The following STXBP5L variants were observed in gnomAD, a reference collection of about 807,000 sequenced individuals.
The protein encoded by STXBP5L is syntaxin-binding protein 5-like.
In STXBP5L, 65 loss-of-function variants were observed where a neutral mutation model predicts 144.5. That is an observed-to-expected ratio of 0.45 (90% CI 0.37 to 0.55). The LOEUF is 0.55. Ranked by LOEUF, STXBP5L falls within the 20% of genes least tolerant of loss-of-function variation. STXBP5L has a pLI of 0.00. For missense variants in STXBP5L, 1,298 were observed against 1,405.5 expected, an observed-to-expected ratio of 0.92 and a Z score of 1.22; for synonymous variants, 505 against 469.6, an observed-to-expected ratio of 1.08 and a Z score of -0.97.
At chr3:121,045,206 C>T (rs1266291152) in intron 4 of STXBP5L, among the ~76,000 whole-genome samples, 2 of 152,044 alleles carry the variant, frequency 1.3e-5, no homozygotes, top group Admixed American at 6.6e-5. Flanking sequence ...ATAAATATTC[C>T]TTAAGCTAGT....
At chr3:121,243,726 T>C (rs557246646) in intron 14 of STXBP5L, among the ~76,000 whole-genome samples, 2 of 152,172 alleles carry the variant, frequency 1.3e-5, no homozygotes, top group Non-Finnish European at 2.9e-5. Context: ...GACATCATTC[T>C]ATTTATAGCA....
At chr3:121,344,776 C>G (rs1301143442) in intron 20 of STXBP5L, among the ~76,000 whole-genome samples, 1 of 151,722 alleles carries the variant, frequency 6.6e-6, no homozygotes, top group East Asian at 1.9e-4. Context: ...AGGAATTATA[C>G]TAATTTCACC....
intron 19 of STXBP5L, among the ~76,000 whole-genome samples, chr3:121,317,035 C>A (rs1334247061): frequency 1.3e-5 from 2 of 152,140 alleles, no homozygotes; most frequent in Non-Finnish European, 2.9e-5. Context: ...TTTAGTCAAA[C>A]TTTTTCCTAA....
At chr3:121,038,988 T>A (rs555177189) in intron 3 of STXBP5L, among the ~76,000 whole-genome samples, 1 of 152,076 alleles carries the variant, frequency 6.6e-6, no homozygotes, top group Admixed American at 6.6e-5. Flanking sequence ...ATTAACCTAT[T>A]TGTATATATT....
chr3:121,275,146 T>C (rs1286164053), intron 18 of STXBP5L, among the ~76,000 whole-genome samples: 1 of 152,206 alleles, frequency 6.6e-6, no homozygotes, highest in Non-Finnish European at 1.5e-5. Context: ...TTGATTCCTG[T>C]ACTTTTAATT....
chr3:121,212,062 T>A (rs2108258826), intron 10 of STXBP5L, among the ~76,000 whole-genome samples: 1 of 152,292 alleles, frequency 6.6e-6, no homozygotes, highest in Non-Finnish European at 1.5e-5. Context: ...GATGAGGTTG[T>A]TTGTTGTTTT....
intron 9 of STXBP5L, among the ~76,000 whole-genome samples, chr3:121,173,134 A>G (rs2046793403): frequency 6.6e-6 from 1 of 152,188 alleles, no homozygotes; most frequent in African/African-American, 2.4e-5. Flanking sequence ...CTGTGAGAAC[A>G]CATGGAAACA....
At chr3:121,371,528 A>G (rs144898032) in intron 20 of STXBP5L, among the ~76,000 whole-genome samples, 1 of 152,372 alleles carries the variant, frequency 6.6e-6, no homozygotes, top group African/African-American at 2.4e-5. Context: ...GCAGCAGTGT[A>G]GACTCTCATT....
intron 20 of STXBP5L, among the ~76,000 whole-genome samples, chr3:121,320,240 T>G (rs1052388487): frequency 2.6e-5 from 4 of 152,206 alleles, no homozygotes; most frequent in African/African-American, 9.7e-5. Flanking sequence ...TCATTAAATT[T>G]ATTCCTTTGT....
intron 20 of STXBP5L, among the ~76,000 whole-genome samples, chr3:121,366,795 G>A (rs1335996249): frequency 1.3e-5 from 2 of 151,118 alleles, no homozygotes; most frequent in South Asian, 2.1e-4. Context: ...TCTTCTATAG[G>A]CCTTATAGCT....
At chr3:121,358,043 A>G (rs553744302) in intron 20 of STXBP5L, 1 of 152,288 alleles carries the variant, frequency 6.6e-6, no homozygotes, top group Admixed American at 6.5e-5. Context: ...TTTTGATTAC[A>G]TGCAATGTGA....
intron 19 of STXBP5L, among the ~76,000 whole-genome samples, chr3:121,305,757 C>A (rs765505564): frequency 6.6e-6 from 1 of 151,940 alleles, no homozygotes; most frequent in Non-Finnish European, 1.5e-5. Flanking sequence ...ACTATCATCA[C>A]TTTTATTCAA....
chr3:121,254,288 TCA>T (rs1559908973), intron 15 of STXBP5L, among the ~76,000 whole-genome samples: 1 of 151,926 alleles, frequency 6.6e-6, no homozygotes, highest in African/African-American at 2.4e-5. Flanking sequence ...TAAAAACAGT[TCA>T]CAAACACAAT....
intron 22 of STXBP5L, among the ~76,000 whole-genome samples, chr3:121,390,965 C>A (rs1374502535): frequency 2.0e-5 from 3 of 152,036 alleles, no homozygotes; most frequent in East Asian, 1.9e-4. Flanking sequence ...CTGGATAATA[C>A]CCTGAAGAGT....
intron 9 of STXBP5L, among the ~76,000 whole-genome samples, chr3:121,177,355 A>G (rs1035124976): frequency 6.6e-6 from 1 of 152,138 alleles, no homozygotes; most frequent in African/African-American, 2.4e-5. Flanking sequence ...TCTAAATTAT[A>G]TATCTCATAA....
chr3:121,309,721 G>A (rs971942731), intron 19 of STXBP5L, among the ~76,000 whole-genome samples: 1 of 152,064 alleles, frequency 6.6e-6, no homozygotes, highest in Non-Finnish European at 1.5e-5. Flanking sequence ...TTTACAGGTT[G>A]GAAGACTCAC....
intron 7 of STXBP5L, among the ~76,000 whole-genome samples, chr3:121,140,150 T>C (rs1431763642): frequency 6.6e-6 from 1 of 152,150 alleles, no homozygotes; most frequent in South Asian, 2.1e-4. Flanking sequence ...CCAACAAGTA[T>C]ATAGTGAAAT....
At chr3:121,254,511 A>G (rs1329110621) in intron 15 of STXBP5L, among the ~76,000 whole-genome samples, 9 of 152,172 alleles carry the variant, frequency 5.9e-5, no homozygotes, top group Admixed American at 5.9e-4. Flanking sequence ...GAAAACTGAG[A>G]TAAAGAATAG....
intron 3 of STXBP5L, among the ~76,000 whole-genome samples, chr3:120,970,497 C>G (rs890296663): frequency 6.6e-6 from 1 of 152,082 alleles, no homozygotes; most frequent in African/African-American, 2.4e-5. Flanking sequence ...TATAACATCC[C>G]ATTATCATCT....
Sources: allele counts gnomAD v4.1 joint callset (sites outside exome capture counted in the v4.1 genomes callset), GRCh38; gene constraint gnomAD v4.1.1; transcripts MANE v1.5; gene names NCBI Gene and HGNC (gene_info 2026-07-23, HGNC 2026-07-21).